KLRG1: variants seen among roughly 807,000 people sequenced by gnomAD.
The protein encoded by KLRG1 is killer cell lectin like receptor G1.
A neutral mutation model predicts 21.8 loss-of-function variants in KLRG1; 16 were observed. The observed-to-expected ratio is 0.73, with a 90% CI of 0.50 to 1.11. KLRG1 has a LOEUF of 1.11. Ranked by LOEUF, KLRG1 falls within the 50% of genes most tolerant of loss-of-function variation. The pLI, the probability that KLRG1 is intolerant of heterozygous loss-of-function variation, is 0.00. For missense variants in KLRG1, 173 were observed against 218.3 expected, an observed-to-expected ratio of 0.79 and a Z score of 1.31; for synonymous variants, 69 against 75.9, an observed-to-expected ratio of 0.91 and a Z score of 0.47.
the KLRG1 span, among the ~76,000 whole-genome samples, chr12:9,148,185 A>G: frequency 6.6e-6 from 1 of 152,212 alleles, no homozygotes; most frequent in East Asian, 1.9e-4. Flanking sequence ...AGAATGGTTA[A>G]GTCAAGCTAA....
chr12:9,036,534 GA>G, the KLRG1 span: 1 of 160,584 alleles, frequency 6.2e-6, no homozygotes. Flanking sequence ...GCAGACACTG[GA>G]AAAGCTTTTG....
the KLRG1 span, among the ~76,000 whole-genome samples, chr12:9,042,342 A>G: frequency 6.6e-6 from 1 of 152,248 alleles, no homozygotes; most frequent in Non-Finnish European, 1.5e-5. Context: ...TTAAAGTAAT[A>G]AATTACAACA....
chr12:9,140,168 G>A, the KLRG1 span, among the ~76,000 whole-genome samples: 5 of 152,322 alleles, frequency 3.3e-5, no homozygotes, highest in African/African-American at 1.2e-4. Flanking sequence ...CAGTTTTTGG[G>A]TAGTTGTCTG....
At chr12:9,116,123 C>T in the KLRG1 span, 2 of 421,740 alleles carry the variant, frequency 4.7e-6, no homozygotes, top group South Asian at 4.1e-5. Context: ...CCCGTAAGAG[C>T]TCACTTTTAC....
the KLRG1 span, among the ~76,000 whole-genome samples, chr12:9,202,124 A>T: frequency 6.6e-6 from 1 of 152,210 alleles, no homozygotes; most frequent in African/African-American, 2.4e-5. Context: ...AAATACTGTT[A>T]TAAGAGAAAG....
chr12:9,126,365 CAA>C, the KLRG1 span, among the ~76,000 whole-genome samples: 1 of 152,282 alleles, frequency 6.6e-6, no homozygotes, highest in South Asian at 2.1e-4. Context: ...ATTTAGGACA[CAA>C]TGTGTATGAA....
chr12:9,163,744 TC>T, the KLRG1 span: 1 of 1,613,866 alleles, frequency 6.2e-7, no homozygotes, highest in African/African-American at 1.3e-5. Context: ...TCCACAGAGT[TC>T]TAAGGACTGC....
the KLRG1 span, chr12:9,072,895 G>A: frequency 3.1e-6 from 5 of 1,595,616 alleles, no homozygotes; most frequent in South Asian, 5.5e-5. Flanking sequence ...ATGAGTGAGA[G>A]AACCCATTGG....
the KLRG1 span, among the ~76,000 whole-genome samples, chr12:9,020,076 CAT>C: frequency 2.1e-5 from 3 of 144,342 alleles, no homozygotes; most frequent in Non-Finnish European, 4.6e-5. Context: ...CACACACACA[CAT>C]ACATACATAT....
chr12:9,147,242 C>T, the KLRG1 span, among the ~76,000 whole-genome samples: 1 of 152,132 alleles, frequency 6.6e-6, no homozygotes, highest in Non-Finnish European at 1.5e-5. Flanking sequence ...TCCAACTTGC[C>T]ATCTTCATTC....
At chr12:9,065,048 G>C in the KLRG1 span, 3 of 152,256 alleles carry the variant, frequency 2.0e-5, no homozygotes, top group Middle Eastern at 3.2e-3. Context: ...GGAGAGTCCT[G>C]GGCTGCCCCT....
the KLRG1 span, among the ~76,000 whole-genome samples, chr12:9,215,326 A>G: frequency 6.6e-6 from 1 of 152,062 alleles, no homozygotes; most frequent in Non-Finnish European, 1.5e-5. Context: ...TTAGTTCAGA[A>G]GCAAACATAC....
At chr12:8,972,180 C>T (rs927755941) in intron 1 of KLRG1, among the ~76,000 whole-genome samples, 19 of 151,892 alleles carry the variant, frequency 1.3e-4, no homozygotes, top group South Asian at 4.2e-4. Context: ...TTTTTTGAGA[C>T]GGAGTCTCGC....
chr12:9,022,206 T>C, the KLRG1 span, among the ~76,000 whole-genome samples: 1 of 152,224 alleles, frequency 6.6e-6, no homozygotes, highest in Admixed American at 6.5e-5. Flanking sequence ...TGAAGTATCA[T>C]GTACTGTACA....
the KLRG1 span, chr12:9,169,029 CATATT>C: frequency 7.7e-7 from 1 of 1,306,602 alleles, no homozygotes; most frequent in Admixed American, 1.7e-5. Flanking sequence ...ATATATAAAA[CATATT>C]ATCCTTAGAG....
chr12:9,142,307 A>C, the KLRG1 span, among the ~76,000 whole-genome samples: 1 of 152,200 alleles, frequency 6.6e-6, no homozygotes, highest in Non-Finnish European at 1.5e-5. Context: ...TTAATGTTTC[A>C]TTTATTAAAA....
At chr12:9,130,759 TC>T in the KLRG1 span, among the ~76,000 whole-genome samples, 1 of 152,226 alleles carries the variant, frequency 6.6e-6, no homozygotes, top group South Asian at 2.1e-4. Flanking sequence ...TGCCCTTCAC[TC>T]TTTTGATTGT....
the KLRG1 span, among the ~76,000 whole-genome samples, chr12:9,073,160 A>G: frequency 6.6e-6 from 1 of 152,196 alleles, no homozygotes. Context: ...AAACATGTGA[A>G]TGGCAATCAG....
At chr12:9,162,390 C>T in the KLRG1 span, 1 of 540,704 alleles carries the variant, frequency 1.8e-6, no homozygotes, top group Non-Finnish European at 3.3e-6. Context: ...GGTATTAGTC[C>T]TGTCTGTACC....
Sources: allele counts gnomAD v4.1 joint callset (sites outside exome capture counted in the v4.1 genomes callset), GRCh38; gene constraint gnomAD v4.1.1; transcripts MANE v1.5; gene names NCBI Gene and HGNC (gene_info 2026-07-23, HGNC 2026-07-21).